The following FDX1 variants were observed in gnomAD, a reference collection of about 807,000 sequenced individuals.
FDX1 encodes the protein ferredoxin 1, also known as adrenodoxin, mitochondrial.
A neutral mutation model predicts 14.9 loss-of-function variants in FDX1; 9 were observed. The ratio of observed to expected loss-of-function variants is 0.60; its 90% confidence interval spans 0.36 to 1.05. FDX1 has a LOEUF of 1.05. FDX1 is among the 50% of genes least tolerant of loss of function. FDX1 has a pLI of 0.01. For synonymous variants in FDX1, 92 were observed against 99.4 expected (o/e 0.93, Z 0.44); for missense variants, 204 against 237.2 (o/e 0.86, Z 0.92).
intron 1 of FDX1, among the ~76,000 whole-genome samples, chr11:110,431,464 TTTTCCCC>T (rs1246597582): frequency 6.6e-6 from 1 of 152,166 alleles, no homozygotes; most frequent in East Asian, 1.9e-4. Context: ...TTCAGTCATC[TTTTCCCC>T]ACTAATCCCG....
chr11:110,436,659 C>T (rs112117150), intron 2 of FDX1, among the ~76,000 whole-genome samples: 1,852 of 141,918 alleles, frequency 0.013, 40 homozygotes, highest in African/African-American at 0.041. Context: ...TAACAGCTGT[C>T]TGTGTGATTT....
intron 1 of FDX1, among the ~76,000 whole-genome samples, chr11:110,435,197 C>G (rs1946360617): frequency 6.6e-6 from 1 of 152,010 alleles, no homozygotes; most frequent in South Asian, 2.1e-4. Flanking sequence ...GACTACAGAT[C>G]ACATCACCAC....
chr11:110,460,671 T>C (rs1377632273), intron 3 of FDX1, among the ~76,000 whole-genome samples: 1 of 152,198 alleles, frequency 6.6e-6, no homozygotes, highest in Non-Finnish European at 1.5e-5. Flanking sequence ...ATCCCTTTGA[T>C]TGAAAGTTTA....
chr11:110,439,078 G>A (rs2134570406), intron 2 of FDX1, among the ~76,000 whole-genome samples: 1 of 151,738 alleles, frequency 6.6e-6, no homozygotes, highest in East Asian at 2.0e-4. Context: ...GCTAATTTTT[G>A]TATTTTTAGT....
At chr11:110,448,285 C>T (rs1319033) in intron 2 of FDX1, among the ~76,000 whole-genome samples, 25,424 of 151,950 alleles carry the variant, frequency 0.17, 2,213 homozygotes, top group East Asian at 0.25. Flanking sequence ...TGCTTGAGTC[C>T]CTATTGATAT....
chr11:110,451,472 T>A (rs1190139222), intron 2 of FDX1, among the ~76,000 whole-genome samples: 1 of 152,156 alleles, frequency 6.6e-6, no homozygotes, highest in Non-Finnish European at 1.5e-5. Context: ...ATATGAACAC[T>A]TTTACACTGT....
At chr11:110,434,224 TA>T (rs1283108067) in intron 1 of FDX1, among the ~76,000 whole-genome samples, 51 of 152,240 alleles carry the variant, frequency 3.3e-4, no homozygotes, top group African/African-American at 1.2e-3. Context: ...CTTTGATTTG[TA>T]AGTATACAAT....
intron 2 of FDX1, among the ~76,000 whole-genome samples, chr11:110,445,261 G>A (rs2134683996): frequency 6.6e-6 from 1 of 152,170 alleles, no homozygotes; most frequent in Admixed American, 6.5e-5. Context: ...AATGCTTTTT[G>A]CATAAATAAT....
chr11:110,460,891 A>G (rs114774187), intron 3 of FDX1, among the ~76,000 whole-genome samples: 2,529 of 152,296 alleles, frequency 0.017, 84 homozygotes, highest in African/African-American at 0.058. Flanking sequence ...AATGCCCAGA[A>G]AATAAGAAGT....
chr11:110,443,376 T>G (rs774135813), intron 2 of FDX1, among the ~76,000 whole-genome samples: 10 of 151,950 alleles, frequency 6.6e-5, no homozygotes, highest in Non-Finnish European at 1.3e-4. Flanking sequence ...GGATTTAGAT[T>G]ATCTTCCCTC....
intron 3 of FDX1, among the ~76,000 whole-genome samples, chr11:110,459,014 T>A (rs1195452573): frequency 6.6e-6 from 1 of 152,196 alleles, no homozygotes; most frequent in African/African-American, 2.4e-5. Flanking sequence ...CTTTTCCCAT[T>A]AAAGGAGCAG....
intron 1 of FDX1, among the ~76,000 whole-genome samples, chr11:110,432,522 G>A (rs1332818942): frequency 6.6e-6 from 1 of 152,160 alleles, no homozygotes; most frequent in Non-Finnish European, 1.5e-5. Flanking sequence ...TCACCTGAGT[G>A]CAGTGGTGCC....
chr11:110,462,150 G>A (rs1946560382), intron 3 of FDX1, among the ~76,000 whole-genome samples: 1 of 152,152 alleles, frequency 6.6e-6, no homozygotes, highest in Non-Finnish European at 1.5e-5. Flanking sequence ...GGTACACCAA[G>A]TTTATTGTAT....
chr11:110,432,629 C>T (rs74920916), intron 1 of FDX1, among the ~76,000 whole-genome samples: 2,949 of 152,094 alleles, frequency 0.019, 92 homozygotes, highest in African/African-American at 0.062. Flanking sequence ...CCACCACACT[C>T]GGCTAAGTTT....
chr11:110,463,169 C>A lies in FDX1; in HGVS notation c.*701C>A, dbSNP rs1322091368. ...GGAAAAATGATTGGATGTGTTTATT[C>A]TTTTCTAAGCAGAATGGTTTAACTT... On this transcript the variant is annotated 3_prime_UTR_variant, in exon 4 of 4. Transcript: ENST00000260270. The A allele has an allele frequency of 6.6e-6, 1 of 152,188 alleles. No homozygotes were observed. The highest frequency in any genetic ancestry group is 1.9e-4 in the East Asian group (1 of 5,202). The allele number at this position is 152,188 out of a possible 1,614,324, so 9.4% of individuals were successfully genotyped here.
intron 1 of FDX1, among the ~76,000 whole-genome samples, chr11:110,433,782 GT>G (rs970696909): frequency 2.0e-5 from 3 of 151,934 alleles, no homozygotes; most frequent in Admixed American, 6.6e-5. Context: ...ATAGAATCCT[GT>G]TTTTTTTCCC....
chr11:110,444,710 A>ATATATG (rs1946434883), intron 2 of FDX1, among the ~76,000 whole-genome samples: 8 of 76,354 alleles, frequency 1.0e-4, no homozygotes, highest in African/African-American at 5.0e-4. Flanking sequence ...ATATACGTAT[A>ATATATG]TATATATATA....
chr11:110,460,392 G>A (rs748176910), intron 3 of FDX1, among the ~76,000 whole-genome samples: 4 of 152,106 alleles, frequency 2.6e-5, no homozygotes, highest in African/African-American at 7.2e-5. Context: ...CCTTGTTTAC[G>A]CTGTGCAGCA....
intron 1 of FDX1, among the ~76,000 whole-genome samples, chr11:110,431,905 A>G (rs1054761253): frequency 1.3e-5 from 2 of 152,188 alleles, no homozygotes; most frequent in African/African-American, 4.8e-5. Context: ...TACTGTGTTA[A>G]TGAGACTTGT....
Sources: gnomAD v4.1 joint callset for allele counts (sites outside exome capture counted in the v4.1 genomes callset) on GRCh38, gnomAD v4.1.1 for gene constraint, MANE v1.5 for transcripts, NCBI Gene and HGNC (gene_info 2026-07-23, HGNC 2026-07-21) for gene names.